BPIFB1: variants seen among roughly 807,000 people sequenced by gnomAD.
BPIFB1 encodes the protein BPI fold-containing family B member 1.
A neutral mutation model predicts 55.1 loss-of-function variants in BPIFB1; 34 were observed. That is an observed-to-expected ratio of 0.62 (90% CI 0.47 to 0.82). BPIFB1 has a LOEUF of 0.82. BPIFB1 is among the 40% of genes least tolerant of loss of function. The pLI, the probability that BPIFB1 is intolerant of heterozygous loss-of-function variation, is 0.00. For synonymous variants in BPIFB1, 236 were observed against 245.3 expected (o/e 0.96, Z 0.35); for missense variants, 532 against 593.1 (o/e 0.90, Z 1.07).
intron 14 of BPIFB1, chr20:33,306,578 C>G (rs1452382811): frequency 2.9e-6 from 1 of 348,184 alleles, no homozygotes; most frequent in Non-Finnish European, 5.3e-6. Flanking sequence ...ACAGTTCCAC[C>G]TTTTTAATTT....
chr20:33,307,194 C>T, intron 15 of BPIFB1: 1 of 550,100 alleles, frequency 1.8e-6, no homozygotes, highest in Non-Finnish European at 3.3e-6. Flanking sequence ...GGTCAGTACA[C>T]TTTTTCCACC....
At chr20:33,302,669 T>C (rs1033355444) in intron 10 of BPIFB1, 9 of 625,126 alleles carry the variant, frequency 1.4e-5, no homozygotes, top group Admixed American at 2.8e-5. Flanking sequence ...GGGCCCCTGA[T>C]ACAGTCTGGG....
intron 9 of BPIFB1, 69 bp downstream of exon 9, chr20:33,301,481 G>A: frequency 6.8e-7 from 1 of 1,475,528 alleles, no homozygotes; most frequent in Non-Finnish European, 9.3e-7. Flanking sequence ...TGAACACAGG[G>A]TGCCCCTAAG....
intron 7 of BPIFB1, chr20:33,299,285 A>G (rs11905553): frequency 0.026 from 10,837 of 412,890 alleles, 994 homozygotes; most frequent in African/African-American, 0.19. Context: ...ACACCGGGGC[A>G]GGTGACACAC....
rs762860656 is a variant in BPIFB1, at chr20:33,303,027, G to A, written c.1093G>A (p.Val365Met). The stretch of plus-strand genomic sequence containing the variant: ...GGTGGCCCAACTGATCGTGCTGGAA[G>A]TGTTTCCCTCCAGTGAAGCCCTCCG... The part of the protein sequence containing the change: ...AKVAQLIVLE[V>M]FPSSEALRPL... The change falls in exon 11 of 16, where the codon GTG (valine) becomes ATG (methionine). Residue 365 changes from valine to methionine, a missense_variant. Coordinates refer to ENST00000253354, the MANE Select transcript of BPIFB1 (RefSeq NM_033197.3). The A allele has an allele frequency of 7.4e-6, 12 of 1,614,062 alleles. No individual in the cohort carries two copies. The East Asian group carries it at 2.7e-4, about 36-fold the overall frequency.
intron 6 of BPIFB1, among the ~76,000 whole-genome samples, chr20:33,294,056 T>C (rs1980557965): frequency 6.6e-6 from 1 of 152,246 alleles, no homozygotes; most frequent in African/African-American, 2.4e-5. Flanking sequence ...GCTGGAGTTA[T>C]GATTTTCAAC....
chr20:33,284,128 T>G (rs1298170772), intron 1 of BPIFB1, among the ~76,000 whole-genome samples: 3 of 152,166 alleles, frequency 2.0e-5, no homozygotes, highest in African/African-American at 7.2e-5. Context: ...AGGCCACAAA[T>G]AGATTGTCTC....
intron 6 of BPIFB1, among the ~76,000 whole-genome samples, chr20:33,296,094 C>A (rs1191536875): frequency 6.6e-6 from 1 of 152,208 alleles, no homozygotes; most frequent in Non-Finnish European, 1.5e-5. Flanking sequence ...TTAAAAAATA[C>A]TAATGGCTAG....
chr20:33,308,589 CACAT>C (rs1454967868), intron 15 of BPIFB1, among the ~76,000 whole-genome samples: 1 of 110,718 alleles, frequency 9.0e-6, no homozygotes, highest in African/African-American at 3.7e-5. Context: ...CACATACAAA[CACAT>C]ACACCTTTAT....
chr20:33,305,316 C>CTTTTT (rs34490442), intron 13 of BPIFB1, among the ~76,000 whole-genome samples: 2 of 106,204 alleles, frequency 1.9e-5, no homozygotes, highest in African/African-American at 3.8e-5. Context: ...CTATTTTTGA[C>CTTTTT]TTTTTTTTTT....
intron 9 of BPIFB1, 33 bp downstream of exon 9, chr20:33,301,445 G>T: frequency 1.9e-6 from 3 of 1,586,870 alleles, no homozygotes; most frequent in Non-Finnish European, 2.6e-6. Context: ...GAATAGGGCC[G>T]CCCAGGCCAC....
chr20:33,303,469 A>G (rs1311485557), intron 11 of BPIFB1, among the ~76,000 whole-genome samples: 2 of 152,128 alleles, frequency 1.3e-5, no homozygotes, highest in Non-Finnish European at 2.9e-5. Flanking sequence ...CCCTCATGGT[A>G]GTGCCCCAGG....
At chr20:33,286,235 G>C (rs751222675) in intron 2 of BPIFB1, 47 bp downstream of exon 2, 1 of 1,539,556 alleles carries the variant, frequency 6.5e-7, no homozygotes, top group Non-Finnish European at 9.0e-7. Flanking sequence ...CAAGGGGGTA[G>C]GTGGAGCAGC....
intron 7 of BPIFB1, chr20:33,298,911 T>C: frequency 2.2e-6 from 1 of 449,282 alleles, no homozygotes; most frequent in Non-Finnish European, 3.3e-6. Flanking sequence ...TAGATTTCTC[T>C]TTGTAAATCA....
chr20:33,302,045 G>C (rs1039279036), intron 9 of BPIFB1, among the ~76,000 whole-genome samples: 3 of 152,164 alleles, frequency 2.0e-5, no homozygotes, highest in African/African-American at 4.8e-5. Flanking sequence ...AAAATAGGGA[G>C]TGGTCACCAA....
chr20:33,293,258 A>C (rs1980530122), intron 6 of BPIFB1, among the ~76,000 whole-genome samples: 1 of 150,280 alleles, frequency 6.7e-6, no homozygotes, highest in Non-Finnish European at 1.5e-5. Context: ...AATAAATGAA[A>C]AAATTTGGGG....
intron 10 of BPIFB1, 191 bp from the exon 11 acceptor site, chr20:33,302,725 G>A: frequency 1.5e-6 from 1 of 680,748 alleles, no homozygotes; most frequent in Non-Finnish European, 2.5e-6. Context: ...CAGACAGAGG[G>A]AACAGGAGAC....
chr20:33,284,564 A>C (rs558700954), intron 1 of BPIFB1, among the ~76,000 whole-genome samples: 1 of 152,314 alleles, frequency 6.6e-6, no homozygotes, highest in East Asian at 1.9e-4. Flanking sequence ...AAGAGCTCAC[A>C]CTGCTCCAGG....
At chr20:33,297,968 G>A (rs1284149209) in intron 7 of BPIFB1, among the ~76,000 whole-genome samples, 1 of 152,170 alleles carries the variant, frequency 6.6e-6, no homozygotes, top group Non-Finnish European at 1.5e-5. Context: ...AAAGTCTACA[G>A]GAAAGTTCTG....
Sources: gnomAD v4.1 joint callset for allele counts (sites outside exome capture counted in the v4.1 genomes callset) on GRCh38, gnomAD v4.1.1 for gene constraint, MANE v1.5 for transcripts, NCBI Gene and HGNC (gene_info 2026-07-23, HGNC 2026-07-21) for gene names.